Variants in MEGF10 observed in about 807,000 individuals in gnomAD.
MEGF10 encodes the protein multiple EGF like domains 10, also known as multiple epidermal growth factor-like domains protein 10.
MEGF10 carries 86 observed loss-of-function variants against 147.5 expected under a neutral mutation model. That is an observed-to-expected ratio of 0.58 (90% confidence interval 0.49 to 0.70). MEGF10 has a LOEUF of 0.70. Ranked by LOEUF, MEGF10 falls within the 30% of genes least tolerant of loss-of-function variation. The pLI, the probability that MEGF10 is intolerant of heterozygous loss-of-function variation, is 0.00. For missense variants in MEGF10, 1,329 were observed against 1,487.3 expected (o/e 0.89, Z 1.75); for synonymous variants, 478 against 525.5 (o/e 0.91, Z 1.24).
rs114395822 is a variant in MEGF10, at chr5:127,447,757, C to T, written c.2856+73C>T. On this transcript the variant is annotated intron_variant, in intron 21 of 24. Transcript: ENST00000503335. The stretch of plus-strand genomic sequence containing the variant: ...AAGGGAACCAGCATTTATTGAGGGC[C>T]GCTGTTCACCAGAGGCTGTTCTAGG... 932 of 1,578,768 alleles carry T rather than the reference C, an allele frequency of 5.9e-4. 6 individuals carry two copies. The African/African-American group carries it at 8.0e-3, about 14-fold the overall frequency.
intron 22 of MEGF10, 31 bp from the exon 23 acceptor site, chr5:127,454,535 A>G: frequency 6.3e-7 from 1 of 1,595,448 alleles, no homozygotes. Context: ...TTCAGTTCTC[A>G]CTGGGTGTTT....
the MEGF10 span, among the ~76,000 whole-genome samples, chr5:127,234,004 G>A: frequency 6.6e-6 from 1 of 152,142 alleles, no homozygotes; most frequent in Non-Finnish European, 1.5e-5. Flanking sequence ...TAGGCCTCAA[G>A]TAACAGAAAC....
Position 127,417,660 on chromosome 5 carries a change from T to C in MEGF10, c.1153T>C (p.Cys385Arg). ...THSCHPMSGE[C>R]ACKPGWSGLY... ...CAGCTGTCACCCCATGTCTGGAGAG[T>C]GTGCCTGCAAGCCGGGCTGGTCAGG... The change falls in exon 10 of 25, where the codon TGT (cysteine) becomes CGT (arginine). Residue 385 changes from cysteine to arginine, a missense_variant. By Grantham distance (180) the Cys-to-Arg change is radical. Transcript: ENST00000503335. 6.2e-7 allele frequency: 1 copy of C among 1,614,068 alleles called. No individual in the cohort carries two copies. Among genetic ancestry groups the C allele is most frequent in the Non-Finnish European group, 8.5e-7 (1 of 1,180,000 alleles).
rs187002342 is a variant in MEGF10 at position 127,389,013 on chromosome 5, G to T, written c.413-7519G>T. Reference sequence around the variant, plus strand: ...AGAGTGCTGGTTTCATATTAGATGAGAAATATAATGGTGGAATATTATACT... The same window carrying T: ...AGAGTGCTGGTTTCATATTAGATGATAAATATAATGGTGGAATATTATACT... On this transcript the variant is annotated intron_variant, in intron 5 of 24. Transcript: ENST00000503335. 4.2e-3 allele frequency among the ~76,000 whole-genome samples: 645 copies of T among 152,226 alleles called. 2 individuals carry two copies. The highest frequency in any genetic ancestry group is 7.5e-3 in the Non-Finnish European group (507 of 68,014).
At chr5:127,276,581 T>C in the MEGF10 span, among the ~76,000 whole-genome samples, 1 of 152,232 alleles carries the variant, frequency 6.6e-6, no homozygotes, top group Non-Finnish European at 1.5e-5. Context: ...AAGAATTTCC[T>C]ACTTAGGAAA....
At chr5:127,258,658 G>A in the MEGF10 span, among the ~76,000 whole-genome samples, 1 of 152,120 alleles carries the variant, frequency 6.6e-6, no homozygotes, top group South Asian at 2.1e-4. Context: ...CCTCTAATAG[G>A]TATTTAGGTT....
In MEGF10 at chr5:127,447,629, C is replaced by A. The variant is rs763924138; in HGVS notation, c.2801C>A (p.Thr934Asn). 6 of 1,614,156 alleles carry A rather than the reference C, an allele frequency of 3.7e-6. No individual in the cohort carries two copies. In the Admixed American group the frequency reaches 6.7e-5, roughly 18 times the overall value. ...YFTNPSYHTL[T>N]QCATSPHVNN... ...ACCAATCCCAGTTACCACACGCTCACCCAGTGTGCCACATCCCCTCACGTC... is the reference window on the plus strand; with the variant it reads ...ACCAATCCCAGTTACCACACGCTCAACCAGTGTGCCACATCCCCTCACGTC... Residue 934 changes from threonine to asparagine, a missense_variant, in exon 21 of 25, where the codon ACC becomes AAC. Thr to Asn is a moderately conservative substitution (Grantham distance 65). Coordinates refer to ENST00000503335, the MANE Select transcript of MEGF10 (RefSeq NM_001256545.2).
Position 127,433,421 on chromosome 5 carries a change from C to T in MEGF10, c.1752C>T (p.Pro584=). 2 of 1,614,108 alleles carry T rather than the reference C, an allele frequency of 1.2e-6. No homozygotes were observed. Among genetic ancestry groups the T allele is most frequent in the Admixed American group, 1.7e-5 (1 of 60,022 alleles). ...GCTGGGGCCCCAACTGCTCCCTGCC[C>T]TGCTACTGTAAAAATGGGGCTTCAT... ...EGRWGPNCSL[P]CYCKNGASCS... The change falls in exon 14 of 25, where the codon CCC becomes CCT. Residue 584 remains proline (P), a synonymous_variant. Transcript: ENST00000503335.
At chr5:127,340,340 G>T (rs1048764487) in intron 3 of MEGF10, among the ~76,000 whole-genome samples, 190 bp from the exon 4 acceptor site, 1 of 152,164 alleles carries the variant, frequency 6.6e-6, no homozygotes, top group African/African-American at 2.4e-5. Flanking sequence ...GGGAAATCAT[G>T]AAACTACTGA....
Position 127,410,547 on chromosome 5 carries a change from T to C in MEGF10, c.1076T>C (p.Leu359Pro), listed in dbSNP as rs778852981. 7 of 1,612,962 alleles carry C rather than the reference T, an allele frequency of 4.3e-6. No individual in the cohort carries two copies. The East Asian group carries it at 1.3e-4, about 31-fold the overall frequency. Residue 359 changes from leucine (L) to proline (P), a missense_variant, in exon 9 of 25, where the codon CTC becomes CCC. By Grantham distance (98) the Leu-to-Pro change is moderately conservative. Coordinates refer to ENST00000503335, the MANE Select transcript of MEGF10 (RefSeq NM_001256545.2). ...RCEARLCPEG[L>P]YGIKCDKRCP... ...GAAGCACGCCTGTGTCCTGAGGGGC[T>C]CTACGGCATCAAATGTGACAAACGG...
chr5:127,297,028 G>A (rs1026767856), intron 1 of MEGF10, among the ~76,000 whole-genome samples: 9 of 152,048 alleles, frequency 5.9e-5, no homozygotes, highest in East Asian at 3.9e-4. Context: ...GTGCAATGGC[G>A]CAATCTCAAC....
chr5:127,447,982 G>T (rs537303190), intron 21 of MEGF10, among the ~76,000 whole-genome samples: 2 of 152,160 alleles, frequency 1.3e-5, no homozygotes, highest in South Asian at 2.1e-4. Context: ...CCATTACACC[G>T]CTTTAGAAAA....
At chr5:127,349,869 A>AACTC (rs1295828564) in intron 4 of MEGF10, among the ~76,000 whole-genome samples, 1 of 152,158 alleles carries the variant, frequency 6.6e-6, no homozygotes, top group Non-Finnish European at 1.5e-5. Context: ...ATTAGATTAG[A>AACTC]ACTCTCAATC....
chr5:127,259,368 T>G, the MEGF10 span, among the ~76,000 whole-genome samples: 29 of 152,260 alleles, frequency 1.9e-4, no homozygotes, highest in Admixed American at 1.7e-3. Flanking sequence ...GGTAGAAAAT[T>G]AACAGAGTCC....
At chr5:127,363,161 T>C (rs1373133431) in intron 4 of MEGF10, among the ~76,000 whole-genome samples, 1 of 152,226 alleles carries the variant, frequency 6.6e-6, no homozygotes, top group Non-Finnish European at 1.5e-5. Flanking sequence ...CCTCCTTATA[T>C]AGATGGGTCT....
At chr5:127,342,163 A>G (rs1420524266) in intron 4 of MEGF10, among the ~76,000 whole-genome samples, 1 of 152,182 alleles carries the variant, frequency 6.6e-6, no homozygotes, top group Non-Finnish European at 1.5e-5. Context: ...GAGAATAATC[A>G]TGAGCAGATC....
At chr5:127,251,321 T>C in the MEGF10 span, among the ~76,000 whole-genome samples, 2 of 152,088 alleles carry the variant, frequency 1.3e-5, no homozygotes, top group African/African-American at 2.4e-5. Flanking sequence ...GCACTGGATC[T>C]CAAGCCAGGC....
At position 127,422,666 on chromosome 5, in the gene MEGF10, G is replaced by A; in HGVS notation, c.1591-4G>A. ...TGCTGCCTTTGATGCTGTTTTCCATGCAGGATGGCACGTACGGGCTGAACT... is the reference window on the plus strand; with the variant it reads ...TGCTGCCTTTGATGCTGTTTTCCATACAGGATGGCACGTACGGGCTGAACT... On this transcript the variant is annotated splice_polypyrimidine_tract_variant and splice_region_variant and intron_variant, in intron 12 of 24. Transcript: ENST00000503335. 6.2e-7 allele frequency: 1 copy of A among 1,613,300 alleles called. No individual in the cohort carries two copies. The highest frequency in any genetic ancestry group is 8.5e-7 in the Non-Finnish European group (1 of 1,179,300).
the MEGF10 span, among the ~76,000 whole-genome samples, chr5:127,278,446 G>A: frequency 6.6e-6 from 1 of 152,178 alleles, no homozygotes; most frequent in African/African-American, 2.4e-5. Context: ...AATTCAAGGA[G>A]TTTACAGTGA....
Sources: allele counts gnomAD v4.1 joint callset (sites outside exome capture counted in the v4.1 genomes callset), GRCh38; gene constraint gnomAD v4.1.1; transcripts MANE v1.5; gene names NCBI Gene and HGNC (gene_info 2026-07-23, HGNC 2026-07-21).